The following STX7 variants were observed in gnomAD, a reference collection of about 807,000 sequenced individuals.
STX7 encodes the protein syntaxin 7.
STX7 carries 34 observed loss-of-function variants against 39.6 expected under a neutral mutation model. The observed-to-expected ratio is 0.86, with a 90% CI of 0.65 to 1.14. The LOEUF (loss-of-function observed/expected upper bound fraction) is 1.14, where lower values mean the gene tolerates loss of function less well. Ranked by LOEUF, STX7 falls within the 50% of genes most tolerant of loss-of-function variation. The probability of loss-of-function intolerance (pLI) is 0.00; values close to 1 mark genes in which losing one functional copy is unlikely to be tolerated. For synonymous variants in STX7, 119 were observed against 99.1 expected (o/e 1.20, Z -1.19); for missense variants, 284 against 310.4 (o/e 0.92, Z 0.64).
In STX7 at chr6:132,470,036, G is replaced by C; in HGVS notation, c.452C>G (p.Pro151Arg). ...TTCTTCATCCTGCACCTGCACTTGAGGTTGAGTTTGGCTAACAGAAAAAAA... is the reference window on the plus strand; with the variant it reads ...TTCTTCATCCTGCACCTGCACTTGACGTTGAGTTTGGCTAACAGAAAAAAA... ...NLVSWESQTQ[P>R]QVQVQDEEIT... is the part of the protein sequence containing the mutation. The change falls in exon 7 of 10, where the codon CCT (proline) becomes CGT (arginine). Residue 151 changes from proline (P) to arginine (R), a missense_variant. Physicochemically the swap from Pro to Arg is moderately radical, Grantham distance 103. Coordinates refer to ENST00000367941, the MANE Select transcript of STX7 (RefSeq NM_003569.3). 1 of 1,580,562 alleles carries C rather than the reference G, an allele frequency of 6.3e-7. No homozygotes were observed. The highest frequency in any genetic ancestry group is 1.9e-5 in the Admixed American group (1 of 51,492).
At chr6:132,486,616 C>A (rs1775137917) in intron 2 of STX7, among the ~76,000 whole-genome samples, 1 of 148,422 alleles carries the variant, frequency 6.7e-6, no homozygotes, top group South Asian at 2.1e-4. Context: ...TTTAAATTTT[C>A]TGCATTTATG....
intron 2 of STX7, 26 bp downstream of exon 2, chr6:132,503,420 T>C (rs752148558): frequency 3.4e-5 from 54 of 1,588,572 alleles, no homozygotes; most frequent in Non-Finnish European, 4.5e-5. Context: ...ATACAAATAG[T>C]GAAGTCCATT....
chr6:132,460,688 A>G lies in STX7; in HGVS notation c.*70T>C. The G allele has an allele frequency of 8.2e-7, 1 of 1,218,214 alleles. No individual in the cohort carries two copies. The highest frequency in any genetic ancestry group is 2.4e-5 in the East Asian group (1 of 42,054). The allele number at this position is 1,218,214 out of a possible 1,614,324, so 75.5% of individuals were successfully genotyped here. On this transcript the variant is annotated 3_prime_UTR_variant, in exon 10 of 10. Coordinates refer to ENST00000367941, the MANE Select transcript of STX7 (RefSeq NM_003569.3). Reference sequence around the variant, plus strand: ...CAATAGCTTTAAAATAATAATTAAAAAAACATGATTACAGGAATCTTCCTA... The same window carrying G: ...CAATAGCTTTAAAATAATAATTAAAGAAACATGATTACAGGAATCTTCCTA...
intron 2 of STX7, among the ~76,000 whole-genome samples, chr6:132,486,970 T>C (rs1036615595): frequency 6.9e-6 from 1 of 145,226 alleles, no homozygotes; most frequent in East Asian, 1.9e-4. Context: ...CCCAGCCTAG[T>C]AGTGTTCTCT....
At chr6:132,507,104 T>A (rs1775722557) in intron 1 of STX7, among the ~76,000 whole-genome samples, 1 of 152,134 alleles carries the variant, frequency 6.6e-6, no homozygotes, top group Admixed American at 6.5e-5. Flanking sequence ...AAATAATGTG[T>A]ACACATGGAC....
Position 132,470,027 on chromosome 6 carries a change from T to C in STX7, c.461A>G (p.Gln154Arg). ...CTCTGTAATTTCTTCATCCTGCACC[T>C]GCACTTGAGGTTGAGTTTGGCTAAC... ...SWESQTQPQV[Q>R]VQDEEITEDD... Residue 154 changes from glutamine (Q) to arginine (R), a missense_variant, in exon 7 of 10, where the codon CAG (glutamine) becomes CGG (arginine). Physicochemically the swap from Gln to Arg is conservative, Grantham distance 43. Coordinates refer to ENST00000367941, the MANE Select transcript of STX7 (RefSeq NM_003569.3). 6.3e-7 allele frequency: 1 copy of C among 1,586,430 alleles called. No homozygotes were observed. Among genetic ancestry groups the C allele is most frequent in the Non-Finnish European group, 8.5e-7 (1 of 1,171,692 alleles).
At position 132,460,650 on chromosome 6, in the gene STX7, A is replaced by T; in HGVS notation, c.*108T>A. Reference sequence around the variant, plus strand: ...CCAATAAAAATAACAAAGTATGGGAACCATCCTTTATACAATAGCTTTAAA... The same window carrying T: ...CCAATAAAAATAACAAAGTATGGGATCCATCCTTTATACAATAGCTTTAAA... On this transcript the variant is annotated 3_prime_UTR_variant, in exon 10 of 10. Transcript: ENST00000367941. 1 of 839,800 alleles carries T rather than the reference A, an allele frequency of 1.2e-6. No individual in the cohort carries two copies. The highest frequency in any genetic ancestry group is 2.0e-5 in the South Asian group (1 of 48,858). 52.0% of individuals were successfully genotyped at this position (839,800 alleles called of 1,614,324 possible). A position where few individuals can be genotyped will look rare whatever the true frequency, so the allele number is the denominator to read the frequency against.
intron 2 of STX7, among the ~76,000 whole-genome samples, chr6:132,486,761 G>A (rs1036343373): frequency 6.7e-6 from 1 of 149,056 alleles, no homozygotes; most frequent in African/African-American, 2.5e-5. Flanking sequence ...CCTGCTGCCA[G>A]TTCAAGCGAT....
rs1215256619 is a variant in STX7 at position 132,446,025 on chromosome 6, G to A, written c.*14733C>T. The A allele has an allele frequency of 6.6e-6, 1 of 152,166 alleles. No homozygotes were observed. Among genetic ancestry groups the A allele is most frequent in the East Asian group, 1.9e-4 (1 of 5,192 alleles). 9.4% of individuals were successfully genotyped at this position (152,166 alleles called of 1,614,324 possible). ...CCTGGATACAAAAACTCTAAACACA[G>A]AGGGTTAAGGTATTAAAGATGAAAG... On this transcript the variant is annotated 3_prime_UTR_variant, in exon 10 of 10. Coordinates refer to ENST00000367941, the MANE Select transcript of STX7 (RefSeq NM_003569.3).
rs941909499 is a variant in STX7 at position 132,455,407 on chromosome 6, C to G, written c.*5351G>C. On this transcript the variant is annotated 3_prime_UTR_variant, in exon 10 of 10. Coordinates refer to ENST00000367941, the MANE Select transcript of STX7 (RefSeq NM_003569.3). Reference sequence around the variant, plus strand: ...AGTAACTACTGCCTAACGATACTTACAGTAAACACTTAAAAATTTGTACTT... The same window carrying G: ...AGTAACTACTGCCTAACGATACTTAGAGTAAACACTTAAAAATTTGTACTT... The G allele has an allele frequency of 1.5e-4, 23 of 152,286 alleles. No individual in the cohort carries two copies. Among genetic ancestry groups the G allele is most frequent in the Admixed American group, 1.2e-3 (19 of 15,300 alleles). 9.4% of individuals were successfully genotyped at this position (152,286 alleles called of 1,614,324 possible). A position where few individuals can be genotyped will look rare whatever the true frequency, so the allele number is the denominator to read the frequency against.
At chr6:132,462,580 GGGGT>G (rs1255347163) in intron 9 of STX7, among the ~76,000 whole-genome samples, 2 of 114,952 alleles carry the variant, frequency 1.7e-5, no homozygotes, top group African/African-American at 7.5e-5. Flanking sequence ...GGCATTTGCA[GGGGT>G]GTGTGTGTGT....
intron 2 of STX7, among the ~76,000 whole-genome samples, chr6:132,487,307 AT>A (rs1775161624): frequency 6.6e-6 from 1 of 152,228 alleles, no homozygotes; most frequent in Admixed American, 6.5e-5. Flanking sequence ...CATAAAAAAA[AT>A]GAGTTCATGT....
chr6:132,512,422 T>C (rs769147971), intron 1 of STX7, among the ~76,000 whole-genome samples: 2 of 152,188 alleles, frequency 1.3e-5, no homozygotes, highest in Non-Finnish European at 2.9e-5. Context: ...AAGGTTTTTA[T>C]GTAAATTAAT....
At chr6:132,491,351 A>G (rs1191361166) in intron 2 of STX7, among the ~76,000 whole-genome samples, 2 of 152,154 alleles carry the variant, frequency 1.3e-5, no homozygotes, top group African/African-American at 4.8e-5. Context: ...GCCAGATAAC[A>G]TGCATGCACT....
intron 8 of STX7, among the ~76,000 whole-genome samples, chr6:132,467,412 A>G (rs1774591868): frequency 1.3e-5 from 2 of 152,106 alleles, no homozygotes; most frequent in Admixed American, 6.6e-5. Context: ...TTCCACCCCT[A>G]GCAGTCCCAT....
chr6:132,468,544 T>A (rs1385359230), intron 7 of STX7, 69 bp from the exon 8 acceptor site: 6 of 1,222,762 alleles, frequency 4.9e-6, no homozygotes, highest in African/African-American at 1.5e-5. Flanking sequence ...GGAAAAATTT[T>A]AAAAACCCAA....
rs1774014067 is a variant in STX7 at position 132,446,446 on chromosome 6, A to G, written c.*14312T>C. On this transcript the variant is annotated 3_prime_UTR_variant, in exon 10 of 10. Transcript: ENST00000367941. Reference sequence around the variant, plus strand: ...AACCACAATTTCTGATTGGGAAAACAAAAGTCTTCCTAGATACAAGAATGA... The same window carrying G: ...AACCACAATTTCTGATTGGGAAAACGAAAGTCTTCCTAGATACAAGAATGA... 6.6e-6 allele frequency: 1 copy of G among 152,186 alleles called. No homozygotes were observed. Among genetic ancestry groups the G allele is most frequent in the Admixed American group, 6.5e-5 (1 of 15,276 alleles). The allele number at this position is 152,186 out of a possible 1,614,324, so 9.4% of individuals were successfully genotyped here.
At chr6:132,500,780 T>C (rs910157287) in intron 2 of STX7, among the ~76,000 whole-genome samples, 1 of 152,222 alleles carries the variant, frequency 6.6e-6, no homozygotes, top group Non-Finnish European at 1.5e-5. Context: ...ATTCCTATGT[T>C]TAAAATTCTT....
At chr6:132,476,223 C>A (rs904802967) in intron 2 of STX7, among the ~76,000 whole-genome samples, 2 of 152,086 alleles carry the variant, frequency 1.3e-5, no homozygotes, top group Admixed American at 6.5e-5. Context: ...ATATATAAAT[C>A]TGTTGTCTGA....
Sources: gnomAD v4.1 joint callset for allele counts (sites outside exome capture counted in the v4.1 genomes callset) on GRCh38, gnomAD v4.1.1 for gene constraint, MANE v1.5 for transcripts, NCBI Gene and HGNC (gene_info 2026-07-23, HGNC 2026-07-21) for gene names.